The following NTRK3 variants were observed in gnomAD, a reference collection of about 807,000 sequenced individuals.
The protein encoded by NTRK3 is NT-3 growth factor receptor.
In NTRK3, 24 loss-of-function variants were observed where a neutral mutation model predicts 91.7. That is an observed-to-expected ratio of 0.26 (90% CI 0.19 to 0.37). The LOEUF (loss-of-function observed/expected upper bound fraction) is 0.37, where lower values mean the gene tolerates loss of function less well. Ranked by LOEUF, NTRK3 falls within the 10% of genes least tolerant of loss-of-function variation. The pLI is 1.00. For synonymous variants in NTRK3, 483 were observed against 404.0 expected (o/e 1.20, Z -2.34); for missense variants, 880 against 1,068.9 (o/e 0.82, Z 2.46).
chr15:88,083,180 C>T (rs781759529), intron 13 of NTRK3, among the ~76,000 whole-genome samples: 1 of 152,200 alleles, frequency 6.6e-6, no homozygotes, highest in Non-Finnish European at 1.5e-5. Context: ...TCCACCCCTG[C>T]ACGGTCCTCT....
chr15:87,870,590 T>C (rs1482368963), exon 19 of NTRK3: 10 of 207,918 alleles, frequency 4.8e-5, no homozygotes, highest in Non-Finnish European at 9.8e-5. Flanking sequence ...ATAAAAAATA[T>C]GTATATATAA....
chr15:87,920,895 G>A (rs1194270479), intron 17 of NTRK3, among the ~76,000 whole-genome samples: 2 of 152,182 alleles, frequency 1.3e-5, no homozygotes, highest in African/African-American at 4.8e-5. Context: ...TGGTATCGCA[G>A]AGTGAATCCT....
chr15:88,218,563 T>C (rs12591318), intron 3 of NTRK3, among the ~76,000 whole-genome samples: 125,773 of 152,212 alleles, frequency 0.83, 52,670 homozygotes, highest in East Asian at 0.99. Flanking sequence ...TGTTCAATCA[T>C]AGGACGTGAT....
At chr15:87,872,446 G>A (rs191364523) in exon 19 of NTRK3, 11 of 226,550 alleles carry the variant, frequency 4.9e-5, no homozygotes, top group African/African-American at 2.0e-4. Flanking sequence ...AGCATTAAAA[G>A]ATAAAAATCT....
At chr15:88,118,369 A>G (rs1441639331) in intron 13 of NTRK3, among the ~76,000 whole-genome samples, 2 of 152,170 alleles carry the variant, frequency 1.3e-5, no homozygotes, top group African/African-American at 4.8e-5. Context: ...AGAATGTTCC[A>G]TGAGAAGAGA....
chr15:87,874,536 C>T (rs2064900096), exon 19 of NTRK3: 1 of 233,362 alleles, frequency 4.3e-6, no homozygotes, highest in Non-Finnish European at 8.5e-6. Context: ...CAGTTCTTCT[C>T]CTGCTTCTTC....
intron 17 of NTRK3, among the ~76,000 whole-genome samples, chr15:87,892,592 A>G (rs572756322): frequency 1.3e-5 from 2 of 152,198 alleles, no homozygotes; most frequent in Non-Finnish European, 2.9e-5. Flanking sequence ...TATTTTGTCG[A>G]CGACTTTTTT....
intron 6 of NTRK3, among the ~76,000 whole-genome samples, chr15:88,141,933 C>T (rs1386657652): frequency 1.3e-5 from 2 of 152,216 alleles, no homozygotes; most frequent in Admixed American, 6.5e-5. Flanking sequence ...TCCTTTGTTC[C>T]AACTGAGTTT....
chr15:88,077,800 A>C (rs577980394), intron 13 of NTRK3, among the ~76,000 whole-genome samples: 1 of 152,318 alleles, frequency 6.6e-6, no homozygotes, highest in African/African-American at 2.4e-5. Flanking sequence ...GCCTCTAGGC[A>C]AGGAACTTTA....
chr15:88,065,476 T>C (rs2046570621), intron 13 of NTRK3, among the ~76,000 whole-genome samples: 1 of 152,148 alleles, frequency 6.6e-6, no homozygotes. Flanking sequence ...CTACCCATTC[T>C]CTGGGACACC....
At chr15:88,155,213 G>T (rs2043778006) in intron 5 of NTRK3, among the ~76,000 whole-genome samples, 1 of 152,194 alleles carries the variant, frequency 6.6e-6, no homozygotes, top group Non-Finnish European at 1.5e-5. Context: ...ATCATAAGGG[G>T]CATTAAAGGT....
intron 3 of NTRK3, among the ~76,000 whole-genome samples, chr15:88,231,689 T>C (rs956693760): frequency 4.6e-5 from 7 of 152,204 alleles, no homozygotes; most frequent in African/African-American, 4.8e-5. Flanking sequence ...CACTCCTGTG[T>C]TCTTCATAGT....
chr15:88,005,556 C>T (rs970982578), intron 14 of NTRK3, among the ~76,000 whole-genome samples: 2 of 152,178 alleles, frequency 1.3e-5, no homozygotes, highest in African/African-American at 4.8e-5. Flanking sequence ...TGTGTGATAA[C>T]TGCCTTGACT....
At chr15:87,975,150 C>G (rs1379766499) in intron 14 of NTRK3, among the ~76,000 whole-genome samples, 4 of 152,180 alleles carry the variant, frequency 2.6e-5, no homozygotes, top group African/African-American at 7.2e-5. Context: ...TAATGCCCCA[C>G]AGTAAACCCA....
chr15:88,178,300 T>C (rs1459897097), intron 5 of NTRK3, among the ~76,000 whole-genome samples: 1 of 152,234 alleles, frequency 6.6e-6, no homozygotes, highest in Non-Finnish European at 1.5e-5. Context: ...TAATACATAA[T>C]AAATCCATGT....
intron 17 of NTRK3, chr15:87,926,742 T>C (rs74975945): frequency 3.3e-4 from 51 of 152,334 alleles, no homozygotes; most frequent in African/African-American, 1.2e-3. Context: ...AGAAGCAAGT[T>C]TGAAGGGCCA....
chr15:88,161,535 G>A (rs893979869), intron 5 of NTRK3, among the ~76,000 whole-genome samples: 2 of 152,186 alleles, frequency 1.3e-5, no homozygotes, highest in Admixed American at 6.5e-5. Context: ...TCTGGTCACT[G>A]AGAGGGGAAT....
At chr15:88,136,654 T>C in intron 7 of NTRK3, 45 bp from the exon 8 acceptor site, 1 of 1,595,912 alleles carries the variant, frequency 6.3e-7, no homozygotes, top group South Asian at 1.1e-5. Context: ...AAACACTTAC[T>C]ACCCAAAGGA....
At chr15:88,177,943 G>A (rs977401894) in intron 5 of NTRK3, among the ~76,000 whole-genome samples, 2 of 152,184 alleles carry the variant, frequency 1.3e-5, no homozygotes, top group African/African-American at 2.4e-5. Flanking sequence ...TCCTTTCAAA[G>A]CTCAGAGAAG....
Sources: allele counts gnomAD v4.1 joint callset (sites outside exome capture counted in the v4.1 genomes callset), GRCh38; gene constraint gnomAD v4.1.1; transcripts MANE v1.5; gene names NCBI Gene and HGNC (gene_info 2026-07-23, HGNC 2026-07-21).